TAF1B: variants seen among roughly 807,000 people sequenced by gnomAD.
The protein encoded by TAF1B is TATA-box binding protein associated factor, RNA polymerase I subunit B.
In TAF1B, 61 loss-of-function variants were observed where a neutral mutation model predicts 83.9. That is an observed-to-expected ratio of 0.73 (90% CI 0.59 to 0.90). The LOEUF is 0.90. TAF1B is among the 40% of genes least tolerant of loss of function. The pLI, the probability that TAF1B is intolerant of heterozygous loss-of-function variation, is 0.00. For synonymous variants in TAF1B, 221 were observed against 224.6 expected (o/e 0.98, Z 0.14); for missense variants, 625 against 677.0 (o/e 0.92, Z 0.85).
chr2:9,933,777 T>G lies in TAF1B; in HGVS notation c.1566-6T>G. On this transcript the variant is annotated splice_region_variant and splice_polypyrimidine_tract_variant and intron_variant, in intron 14 of 14. Coordinates refer to ENST00000263663, the MANE Select transcript of TAF1B (RefSeq NM_005680.3). ...AGATAAATTCTTTTTTCTTTTTCCC[T>G]TCTAGCTATTGTACACATGTGACAA... 25 of 1,601,146 alleles carry G rather than the reference T, an allele frequency of 1.6e-5. No individual in the cohort carries two copies. Among genetic ancestry groups the G allele is most frequent in the Non-Finnish European group, 2.1e-5 (25 of 1,174,904 alleles).
chr2:9,911,566 ATTTT>A lies in TAF1B; in HGVS notation c.1180+12_1180+15del. The A allele has an allele frequency of 6.7e-7, 1 of 1,496,132 alleles. No homozygotes were observed. The highest frequency in any genetic ancestry group is 9.0e-7 in the Non-Finnish European group (1 of 1,110,142). 92.7% of individuals were successfully genotyped at this position (1,496,132 alleles called of 1,614,324 possible). On this transcript the variant is annotated intron_variant, in intron 11 of 14. Coordinates refer to ENST00000263663, the MANE Select transcript of TAF1B (RefSeq NM_005680.3). ...TGAAAAGAACAAAAAAGGTATTTTA[ATTTT>A]TTATCATTCAAATTCAAAGTGGTTA... is the stretch of plus-strand genomic sequence containing the variant.
intron 2 of TAF1B, chr2:9,845,569 G>A: frequency 2.8e-6 from 1 of 357,368 alleles, no homozygotes. Flanking sequence ...ATGTGGTTGA[G>A]GGAAATAATT....
intron 11 of TAF1B, among the ~76,000 whole-genome samples, chr2:9,912,481 TC>T (rs1665562654): frequency 6.6e-6 from 1 of 152,238 alleles, no homozygotes; most frequent in South Asian, 2.1e-4. Flanking sequence ...AATACTACTT[TC>T]TGTACATTGC....
At chr2:9,912,632 A>T (rs1249768328) in intron 11 of TAF1B, among the ~76,000 whole-genome samples, 1 of 152,224 alleles carries the variant, frequency 6.6e-6, no homozygotes, top group Admixed American at 6.5e-5. Flanking sequence ...AAGCCTCAAA[A>T]TAAATCCATG....
At chr2:9,927,317 G>A (rs1336228786) in intron 14 of TAF1B, among the ~76,000 whole-genome samples, 1 of 152,114 alleles carries the variant, frequency 6.6e-6, no homozygotes, top group Non-Finnish European at 1.5e-5. Flanking sequence ...TGTGAATAGT[G>A]CCACAGCAAA....
chr2:9,867,839 G>A (rs1308349063), intron 5 of TAF1B, among the ~76,000 whole-genome samples: 3 of 152,200 alleles, frequency 2.0e-5, no homozygotes, highest in Non-Finnish European at 2.9e-5. Flanking sequence ...GGCATGATGA[G>A]TAAGTAATGA....
At chr2:9,867,621 G>C (rs1461677562) in intron 5 of TAF1B, among the ~76,000 whole-genome samples, 1 of 152,096 alleles carries the variant, frequency 6.6e-6, no homozygotes, top group African/African-American at 2.4e-5. Context: ...GACTGTGATC[G>C]GTTTGCCTGG....
chr2:9,866,900 C>T (rs2125145272), intron 5 of TAF1B, among the ~76,000 whole-genome samples: 1 of 151,434 alleles, frequency 6.6e-6, no homozygotes, highest in South Asian at 2.1e-4. Flanking sequence ...AACACATGGA[C>T]ACAGGAAGGG....
intron 6 of TAF1B, among the ~76,000 whole-genome samples, chr2:9,871,492 A>G (rs1664167274): frequency 6.6e-6 from 1 of 151,974 alleles, no homozygotes; most frequent in African/African-American, 2.4e-5. Context: ...ATTTTTGTGG[A>G]GCATCTTTTA....
At chr2:9,872,827 T>A (rs929195232) in intron 6 of TAF1B, among the ~76,000 whole-genome samples, 2 of 152,220 alleles carry the variant, frequency 1.3e-5, no homozygotes, top group African/African-American at 4.8e-5. Context: ...AACTTTAGCA[T>A]CCATCAGAAT....
chr2:9,916,660 T>G (rs1665688192), intron 12 of TAF1B, among the ~76,000 whole-genome samples: 1 of 152,142 alleles, frequency 6.6e-6, no homozygotes, highest in South Asian at 2.1e-4. Flanking sequence ...AAAAATATAT[T>G]TTAAAGAATC....
At chr2:9,919,410 G>A (rs2125178683) in intron 13 of TAF1B, among the ~76,000 whole-genome samples, 188 bp from the exon 14 acceptor site, 1 of 152,198 alleles carries the variant, frequency 6.6e-6, no homozygotes, top group Middle Eastern at 3.4e-3. Flanking sequence ...CATTCTTTTT[G>A]AAGTAAGGTT....
At chr2:9,904,109 ATTT>A (rs946176701) in intron 8 of TAF1B, among the ~76,000 whole-genome samples, 3 of 150,754 alleles carry the variant, frequency 2.0e-5, no homozygotes, top group Admixed American at 2.0e-4. Context: ...TAAATCAGAA[ATTT>A]TTTTTTTCTT....
intron 8 of TAF1B, among the ~76,000 whole-genome samples, chr2:9,892,872 C>T (rs969406247): frequency 6.6e-6 from 1 of 152,092 alleles, no homozygotes; most frequent in African/African-American, 2.4e-5. Flanking sequence ...AATTTACATT[C>T]CCACCACCAA....
chr2:9,884,183 G>A (rs551082187), intron 8 of TAF1B, among the ~76,000 whole-genome samples: 7 of 152,356 alleles, frequency 4.6e-5, no homozygotes, highest in Middle Eastern at 3.4e-3. Context: ...GACCAGTCGC[G>A]CTGCAAGCAG....
In TAF1B at chr2:9,875,859, C is replaced by G; in HGVS notation, c.554-6C>G. 6.4e-7 allele frequency: 1 copy of G among 1,568,922 alleles called. No individual in the cohort carries two copies. On this transcript the variant is annotated splice_polypyrimidine_tract_variant and splice_region_variant and intron_variant, in intron 6 of 14. Coordinates refer to ENST00000263663, the MANE Select transcript of TAF1B (RefSeq NM_005680.3). ...GATTTTTAAAAATCTCCATTTATCTCCTAAGAAACGTCTGTCTGCTCTGGA... is the reference window on the plus strand; with the variant it reads ...GATTTTTAAAAATCTCCATTTATCTGCTAAGAAACGTCTGTCTGCTCTGGA...
At chr2:9,857,957 G>A (rs955319949) in intron 5 of TAF1B, among the ~76,000 whole-genome samples, 1 of 151,998 alleles carries the variant, frequency 6.6e-6, no homozygotes, top group Admixed American at 6.6e-5. Flanking sequence ...TTCCACCCCT[G>A]CCCCCTGCCA....
rs764349893 is a variant in TAF1B, at chr2:9,854,329, G to T, written c.307G>T (p.Asp103Tyr). The T allele has an allele frequency of 2.1e-5, 34 of 1,613,320 alleles. No individual in the cohort carries two copies. The highest frequency in any genetic ancestry group is 1.6e-4 in the Middle Eastern group (1 of 6,080). The change falls in exon 5 of 15, where the codon GAT becomes TAT. Residue 103 changes from aspartate (D) to tyrosine (Y), a missense_variant. Physicochemically the swap from Asp to Tyr is radical, Grantham distance 160. Transcript: ENST00000263663. The part of the protein sequence containing the change: ...NLGVGPELKN[D>Y]VLHNFWKRYL... The stretch of plus-strand genomic sequence containing the variant: ...ACTCATTTCCCTTCCACCTTAGAAC[G>T]ATGTTTTACATAATTTTTGGAAGCG...
intron 5 of TAF1B, among the ~76,000 whole-genome samples, chr2:9,854,710 A>T (rs902006864): frequency 1.3e-5 from 2 of 152,250 alleles, no homozygotes; most frequent in Non-Finnish European, 2.9e-5. Context: ...GATAGTTTCT[A>T]TCACTGTACT....
Sources: allele counts gnomAD v4.1 joint callset (sites outside exome capture counted in the v4.1 genomes callset), GRCh38; gene constraint gnomAD v4.1.1; transcripts MANE v1.5; gene names NCBI Gene and HGNC (gene_info 2026-07-23, HGNC 2026-07-21).